PIWIL2: variants seen among roughly 807,000 people sequenced by gnomAD.
PIWIL2 encodes piwi-like protein 2.
A neutral mutation model predicts 116.5 loss-of-function variants in PIWIL2; 81 were observed. The observed-to-expected ratio is 0.70, with a 90% CI of 0.58 to 0.84. The LOEUF (loss-of-function observed/expected upper bound fraction) is 0.84, where lower values mean the gene tolerates loss of function less well. Among genes scored for constraint, PIWIL2 ranks in the 40% least tolerant of loss-of-function variants. The probability of loss-of-function intolerance (pLI) is 0.00; values close to 1 mark genes in which losing one functional copy is unlikely to be tolerated. For synonymous variants in PIWIL2, 489 were observed against 429.5 expected (o/e 1.14, Z -1.71); for missense variants, 1,272 against 1,212.3 (o/e 1.05, Z -0.73).
In PIWIL2 at chr8:22,355,579, C is replaced by T; in HGVS notation, c.*74C>T. On this transcript the variant is annotated 3_prime_UTR_variant, in exon 23 of 23. Transcript: ENST00000356766. Reference sequence around the variant, plus strand: ...TCAGCTGTGACTCTTGCAGAATCAACAGAGACTGAAGTGGGCTTTTGTGTT... The same window carrying T: ...TCAGCTGTGACTCTTGCAGAATCAATAGAGACTGAAGTGGGCTTTTGTGTT... The T allele has an allele frequency of 7.4e-7, 1 of 1,353,536 alleles. No homozygotes were observed. Among genetic ancestry groups the T allele is most frequent in the South Asian group, 1.2e-5 (1 of 81,974 alleles). 83.8% of individuals were successfully genotyped at this position (1,353,536 alleles called of 1,614,324 possible).
At chr8:22,312,570 T>C (rs1263308612) in intron 16 of PIWIL2, among the ~76,000 whole-genome samples, 1 of 151,944 alleles carries the variant, frequency 6.6e-6, no homozygotes, top group Non-Finnish European at 1.5e-5. Context: ...CCAGCAGCAT[T>C]CTGTTTTTGA....
rs1831290323 is a variant in PIWIL2 at position 22,310,054 on chromosome 8, A to G, written c.1780A>G (p.Arg594Gly). 1.3e-6 allele frequency: 2 copies of G among 1,589,522 alleles called. No individual in the cohort carries two copies. Among genetic ancestry groups the G allele is most frequent in the Non-Finnish European group, 1.7e-6 (2 of 1,157,602 alleles). ...ACTAAACTGGGTTAAGGAAGTAACCAGAGACCCTTCCATCTTGACTGTAAG... is the reference window on the plus strand; with the variant it reads ...ACTAAACTGGGTTAAGGAAGTAACCGGAGACCCTTCCATCTTGACTGTAAG... ...QELNWVKEVT[R>G]DPSILTIPMH... Residue 594 changes from arginine to glycine, a missense_variant, in exon 15 of 23, where the codon AGA (arginine) becomes GGA (glycine). Arg to Gly is a moderately radical substitution (Grantham distance 125, BLOSUM62 -2). Transcript: ENST00000356766.
intron 10 of PIWIL2, among the ~76,000 whole-genome samples, chr8:22,296,020 C>CTTTTTTTTTTTTTTT (rs67357452): frequency 1.5e-4 from 15 of 102,832 alleles, no homozygotes; most frequent in Non-Finnish European, 2.0e-4. Context: ...CTCTTCCCTT[C>CTTTTTTTTTTTTTTT]TTTTTTTTTT....
At chr8:22,343,381 G>T (rs1832153129) in intron 20 of PIWIL2, among the ~76,000 whole-genome samples, 1 of 151,996 alleles carries the variant, frequency 6.6e-6, no homozygotes, top group Non-Finnish European at 1.5e-5. Flanking sequence ...GCTGCAGTGA[G>T]CCGAGATTGT....
chr8:22,307,222 A>G (rs114374894), intron 13 of PIWIL2, among the ~76,000 whole-genome samples: 5 of 152,232 alleles, frequency 3.3e-5, no homozygotes, highest in Admixed American at 1.3e-4. Flanking sequence ...GGGTCTAGCT[A>G]TGTTGCCCAG....
At chr8:22,295,948 G>C (rs1830889631) in intron 10 of PIWIL2, among the ~76,000 whole-genome samples, 2 of 149,734 alleles carry the variant, frequency 1.3e-5, no homozygotes, top group African/African-American at 2.5e-5. Context: ...GTTAGAATCT[G>C]ATCGGCTTCA....
chr8:22,315,061 C>G lies in PIWIL2; in HGVS notation c.2124C>G (p.Thr708=). The G allele has an allele frequency of 6.2e-7, 1 of 1,613,620 alleles. No homozygotes were observed. The highest frequency in any genetic ancestry group is 1.1e-5 in the South Asian group (1 of 91,070). The change falls in exon 18 of 23, where the codon ACC becomes ACG. Residue 708 remains threonine (T), a synonymous_variant. Transcript: ENST00000356766. ...ATGTTCGAACCATTGGTCAGCCCAC[C>G]AGGCTTCGGAGTGTGGCCCAGAAGA... ...VVNVRTIGQP[T]RLRSVAQKIL... is the part of the protein sequence containing the mutation.
chr8:22,295,587 T>C (rs1340456251), intron 10 of PIWIL2, among the ~76,000 whole-genome samples: 2 of 152,268 alleles, frequency 1.3e-5, no homozygotes, highest in Non-Finnish European at 2.9e-5. Context: ...CCTCTCAGTG[T>C]AGCTGCTCAG....
In PIWIL2 at chr8:22,315,039, T is replaced by C; in HGVS notation, c.2102T>C (p.Val701Ala). 1 of 1,609,958 alleles carries C rather than the reference T, an allele frequency of 6.2e-7. No individual in the cohort carries two copies. The highest frequency in any genetic ancestry group is 1.1e-5 in the South Asian group (1 of 90,998). Residue 701 changes from valine (V) to alanine (A), a missense_variant, in exon 18 of 23, where the codon GTT (valine) becomes GCT (alanine). By Grantham distance (64) the Val-to-Ala change is moderately conservative. Coordinates refer to ENST00000356766, the MANE Select transcript of PIWIL2 (RefSeq NM_018068.5). Reference sequence around the variant, plus strand: ...GTCCCTTCATTATAGGTTGTCAATGTTCGAACCATTGGTCAGCCCACCAGG... The same window carrying C: ...GTCCCTTCATTATAGGTTGTCAATGCTCGAACCATTGGTCAGCCCACCAGG... ...QSPVPSQVVN[V>A]RTIGQPTRLR...
chr8:22,307,612 A>C (rs1001471181), intron 13 of PIWIL2, among the ~76,000 whole-genome samples: 11 of 150,824 alleles, frequency 7.3e-5, no homozygotes, highest in African/African-American at 2.5e-4. Flanking sequence ...CCTCCTGAGT[A>C]GCTAGGAGTA....
chr8:22,305,797 A>G, intron 12 of PIWIL2, 130 bp from the exon 13 acceptor site: 2 of 678,414 alleles, frequency 2.9e-6, no homozygotes, highest in Non-Finnish European at 5.3e-6. Flanking sequence ...TCTCTCCTCC[A>G]GGATTTTATA....
chr8:22,355,262 C>A, intron 22 of PIWIL2, 87 bp from the exon 23 acceptor site: 3 of 1,320,458 alleles, frequency 2.3e-6, no homozygotes, highest in African/African-American at 1.4e-5. Flanking sequence ...TGCTCTGTGT[C>A]ATATCCCCGT....
At position 22,354,347 on chromosome 8, in the gene PIWIL2, A is replaced by G. The variant is rs754464106; in HGVS notation, c.2734A>G (p.Thr912Ala). The change falls in exon 22 of 23, where the codon ACC becomes GCC. Residue 912 changes from threonine to alanine, a missense_variant. Coordinates refer to ENST00000356766, the MANE Select transcript of PIWIL2 (RefSeq NM_018068.5). ...IPTHYVCVLN[T>A]ANLSPDHMQR... ...TACGCATTATGTCTGTGTTCTCAAC[A>G]CCGCAAACCTGAGCCCTGATCATAT... The G allele has an allele frequency of 2.5e-6, 4 of 1,612,924 alleles. No homozygotes were observed. Among genetic ancestry groups the G allele is most frequent in the Non-Finnish European group, 3.4e-6 (4 of 1,179,002 alleles).
intron 10 of PIWIL2, among the ~76,000 whole-genome samples, chr8:22,292,961 C>G (rs954995004): frequency 1.4e-4 from 22 of 152,094 alleles, no homozygotes; most frequent in African/African-American, 5.1e-4. Flanking sequence ...GTGCAGGAGC[C>G]CAGTCCAAGC....
At chr8:22,278,966 C>G (rs1411355945) in intron 1 of PIWIL2, among the ~76,000 whole-genome samples, 3 of 152,146 alleles carry the variant, frequency 2.0e-5, no homozygotes, top group Non-Finnish European at 2.9e-5. Context: ...CCCACTGATT[C>G]TACATTATGG....
intron 15 of PIWIL2, 48 bp from the exon 16 acceptor site, chr8:22,311,064 G>A (rs751182787): frequency 8.3e-6 from 12 of 1,443,738 alleles, no homozygotes. Context: ...GTATGAGTTT[G>A]GGATATTTAA....
At chr8:22,323,504 A>G (rs927564026) in intron 20 of PIWIL2, among the ~76,000 whole-genome samples, 1 of 152,206 alleles carries the variant, frequency 6.6e-6, no homozygotes, top group Non-Finnish European at 1.5e-5. Flanking sequence ...TGCTGGGATT[A>G]TAGGCGTGAG....
At chr8:22,304,970 C>A in intron 12 of PIWIL2, 102 bp downstream of exon 12, 1 of 779,950 alleles carries the variant, frequency 1.3e-6, no homozygotes, top group Non-Finnish European at 2.2e-6. Flanking sequence ...GAGTAGCAAT[C>A]GTAGTGTAGT....
intron 20 of PIWIL2, among the ~76,000 whole-genome samples, chr8:22,319,278 A>T (rs1233325726): frequency 6.6e-6 from 1 of 152,214 alleles, no homozygotes; most frequent in Admixed American, 6.5e-5. Flanking sequence ...CAAATACTTT[A>T]ATACTGTTCA....
Sources: gnomAD v4.1 joint callset for allele counts (sites outside exome capture counted in the v4.1 genomes callset) on GRCh38, gnomAD v4.1.1 for gene constraint, MANE v1.5 for transcripts, NCBI Gene and HGNC (gene_info 2026-07-23, HGNC 2026-07-21) for gene names.